Variants in TMEM39A observed in about 807,000 individuals in gnomAD.
TMEM39A encodes transmembrane protein 39A.
TMEM39A carries 19 observed loss-of-function variants against 51.9 expected under a neutral mutation model. The observed-to-expected ratio is 0.37, with a 90% CI of 0.26 to 0.54. The LOEUF is 0.54. TMEM39A is among the 20% of genes least tolerant of loss of function. TMEM39A has a pLI of 0.88. For missense variants in TMEM39A, 433 were observed against 590.5 expected (o/e 0.73, Z 2.76); for synonymous variants, 197 against 220.2 (o/e 0.89, Z 0.93).
chr3:119,434,986 C>T lies in TMEM39A; in HGVS notation c.1113-104G>A, dbSNP rs1663464764. The T allele has an allele frequency of 3.9e-5, 57 of 1,458,234 alleles. 1 individual carries two copies. The South Asian group carries it at 7.3e-4, about 19-fold the overall frequency. 90.3% of individuals were successfully genotyped at this position (1,458,234 alleles called of 1,614,324 possible). ...TATGGAAGGAATTAAATAATCAAGG[C>T]TTCATCTGCCTGAATTCTGAAAATA... On this transcript the variant is annotated intron_variant, in intron 7 of 8. Transcript: ENST00000319172.
chr3:119,445,053 C>T (rs1390681459), intron 5 of TMEM39A, among the ~76,000 whole-genome samples: 2 of 151,758 alleles, frequency 1.3e-5, no homozygotes, highest in Non-Finnish European at 2.9e-5. Flanking sequence ...GCACTCCCGC[C>T]TGGATGACAG....
rs573300268 is a variant in TMEM39A at position 119,457,347 on chromosome 3, C to T, written c.336+671G>A. Among the ~76,000 whole-genome samples, 7 of 152,274 alleles carry T rather than the reference C, an allele frequency of 4.6e-5. No individual in the cohort carries two copies. The East Asian group carries it at 5.8e-4, about 13-fold the overall frequency. On this transcript the variant is annotated intron_variant, in intron 3 of 8. Coordinates refer to ENST00000319172, the MANE Select transcript of TMEM39A (RefSeq NM_018266.3). ...TTTTTATGTACTTCAGCAAAGACAG[C>T]CAATTTCTCAATTTCACTTCCCAAT...
intron 5 of TMEM39A, among the ~76,000 whole-genome samples, chr3:119,445,872 G>A (rs2081117874): frequency 6.6e-6 from 1 of 152,176 alleles, no homozygotes; most frequent in Non-Finnish European, 1.5e-5. Flanking sequence ...GTAATAAAAT[G>A]TTAGTTACAA....
intron 8 of TMEM39A, 66 bp from the exon 9 acceptor site, chr3:119,432,280 A>C: frequency 8.6e-7 from 1 of 1,161,614 alleles, no homozygotes; most frequent in Non-Finnish European, 1.2e-6. Context: ...TTATTCTTGC[A>C]TTGATTTTTC....
intron 7 of TMEM39A, 52 bp downstream of exon 7, chr3:119,436,739 G>T: frequency 6.6e-7 from 1 of 1,524,494 alleles, no homozygotes. Context: ...AAATAAACAT[G>T]ATCAGCAGCA....
chr3:119,461,218 T>C (rs1396616592), intron 2 of TMEM39A, among the ~76,000 whole-genome samples: 2 of 152,162 alleles, frequency 1.3e-5, no homozygotes, highest in African/African-American at 4.8e-5. Flanking sequence ...AACTGGAATT[T>C]CAGGGAGAGC....
chr3:119,452,370 G>C (rs553642843), intron 4 of TMEM39A, 77 bp downstream of exon 4: 9 of 1,039,916 alleles, frequency 8.7e-6, no homozygotes, highest in Non-Finnish European at 1.3e-5. Context: ...ATGGGGACAC[G>C]TCACGTTTTT....
chr3:119,431,993 G>C lies in TMEM39A; in HGVS notation c.1455C>G (p.Leu485=), dbSNP rs767240993. The change falls in exon 9 of 9, where the codon CTC becomes CTG. Residue 485 remains leucine (L), a synonymous_variant. Transcript: ENST00000319172. ...AYSYPLNSYE[L]KAN ...GTTGAGAGGCAGCTTAGTTTGCCTT[G>C]AGTTCATAACTGTTGAGTGGGTAGG... The C allele has an allele frequency of 6.3e-7, 1 of 1,589,810 alleles. No homozygotes were observed. The highest frequency in any genetic ancestry group is 2.3e-5 in the East Asian group (1 of 44,184).
In TMEM39A at chr3:119,462,714, T is replaced by A. The variant is rs574727212; in HGVS notation, c.-74-566A>T. Reference sequence around the variant, plus strand: ...AGGAAGTGGAATGAAAGGGTACCAGTAGTTCTTTTAACAGTTTAAAAGTAA... The same window carrying A: ...AGGAAGTGGAATGAAAGGGTACCAGAAGTTCTTTTAACAGTTTAAAAGTAA... On this transcript the variant is annotated intron_variant, in intron 1 of 8. Transcript: ENST00000319172. Among the ~76,000 whole-genome samples the A allele has an allele frequency of 1.2e-4, 16 of 138,604 alleles. No individual in the cohort carries two copies. In the South Asian group the frequency reaches 3.5e-3, roughly 30 times the overall value. The allele number at this position is 138,604 out of a possible 152,430, so 90.9% of individuals were successfully genotyped here.
At chr3:119,451,754 C>T (rs1191507894) in intron 4 of TMEM39A, among the ~76,000 whole-genome samples, 2 of 137,262 alleles carry the variant, frequency 1.5e-5, no homozygotes, top group Non-Finnish European at 3.0e-5. Context: ...CGCTTGTACC[C>T]AGGAGACAGA....
intron 7 of TMEM39A, among the ~76,000 whole-genome samples, chr3:119,436,239 A>C (rs1467283219): frequency 6.6e-6 from 1 of 152,216 alleles, no homozygotes; most frequent in South Asian, 2.1e-4. Context: ...GAACTCAGTC[A>C]GGCACAGTTC....
chr3:119,450,945 CCA>C (rs1410573516), intron 4 of TMEM39A, among the ~76,000 whole-genome samples: 5 of 151,574 alleles, frequency 3.3e-5, no homozygotes, highest in African/African-American at 1.2e-4. Flanking sequence ...GGTAGAAATC[CCA>C]GTTTTGAAGG....
In TMEM39A at chr3:119,440,056, C is replaced by G. The variant is rs2081029906; in HGVS notation, c.576-1953G>C. Among the ~76,000 whole-genome samples the G allele has an allele frequency of 2.6e-5, 4 of 152,152 alleles. No individual in the cohort carries two copies. The South Asian group carries it at 8.3e-4, about 32-fold the overall frequency. On this transcript the variant is annotated intron_variant, in intron 5 of 8. Coordinates refer to ENST00000319172, the MANE Select transcript of TMEM39A (RefSeq NM_018266.3). ...GTGGTGGGATTACAGGTGTAAGCCA[C>G]CGCACCCAGACAGAGAAGAAGTATT...
chr3:119,433,854 G>A (rs2080931393), intron 8 of TMEM39A, among the ~76,000 whole-genome samples: 1 of 152,084 alleles, frequency 6.6e-6, no homozygotes, highest in South Asian at 2.1e-4. Flanking sequence ...CCCTACCATG[G>A]TATTTATAAG....
In TMEM39A at chr3:119,460,140, C is replaced by A. The variant is rs565725173; in HGVS notation, c.113+1822G>T. On this transcript the variant is annotated intron_variant, in intron 2 of 8. Transcript: ENST00000319172. ...CTTTTCAAACCATAAACAATTATTT[C>A]TTTCATTTTAAAATGTTGGAAAATA... Among the ~76,000 whole-genome samples, 3 of 152,138 alleles carry A rather than the reference C, an allele frequency of 2.0e-5. No homozygotes were observed. The East Asian group carries it at 5.8e-4, about 29-fold the overall frequency.
chr3:119,451,438 G>T, intron 4 of TMEM39A: 1 of 536,704 alleles, frequency 1.9e-6, no homozygotes, highest in Non-Finnish European at 3.1e-6. Context: ...AGCCACTTCA[G>T]CTAAATTAAC....
At chr3:119,446,583 T>G (rs2081128580) in intron 5 of TMEM39A, 1 of 153,822 alleles carries the variant, frequency 6.5e-6, no homozygotes, top group Non-Finnish European at 1.4e-5. Flanking sequence ...ACTTCAGAAA[T>G]CAAAACCATG....
chr3:119,430,166 C>T lies in TMEM39A; in HGVS notation c.*1815G>A, dbSNP rs1425058179. ...TAGGCTGAACTACTTTAAAAAGCAACTAACCTAATATATTTTCTTGCTATT... is the reference window on the plus strand; with the variant it reads ...TAGGCTGAACTACTTTAAAAAGCAATTAACCTAATATATTTTCTTGCTATT... On this transcript the variant is annotated 3_prime_UTR_variant, in exon 9 of 9. Coordinates refer to ENST00000319172, the MANE Select transcript of TMEM39A (RefSeq NM_018266.3). The T allele has an allele frequency of 6.6e-6, 1 of 152,124 alleles. No individual in the cohort carries two copies. The highest frequency in any genetic ancestry group is 1.5e-5 in the Non-Finnish European group (1 of 67,996). 9.4% of individuals were successfully genotyped at this position (152,124 alleles called of 1,614,324 possible).
chr3:119,432,009 A>G lies in TMEM39A; in HGVS notation c.1439T>C (p.Leu480Pro), dbSNP rs886400484. The G allele has an allele frequency of 1.9e-6, 3 of 1,608,930 alleles. No homozygotes were observed. The highest frequency in any genetic ancestry group is 1.7e-4 in the Middle Eastern group (1 of 6,048). ...GTTTGCCTTGAGTTCATAACTGTTG[A>G]GTGGGTAGGAGTATGCCCTGCCTAA... ...IVLGRAYSYP[L>P]NSYELKAN The change falls in exon 9 of 9, where the codon CTC becomes CCC. Residue 480 changes from leucine (L) to proline (P), a missense_variant. By Grantham distance (98) the Leu-to-Pro change is moderately conservative. Around this residue, in one of 3 missense-constraint regions of TMEM39A, gnomAD observed 223 missense variants for 328.1 expected, o/e 0.68. Coordinates refer to ENST00000319172, the MANE Select transcript of TMEM39A (RefSeq NM_018266.3).
Sources: gnomAD v4.1 joint callset for allele counts (sites outside exome capture counted in the v4.1 genomes callset) on GRCh38, gnomAD v4.1.1 for gene constraint, gnomAD v4.1.1 regional missense constraint, MANE v1.5 for transcripts, NCBI Gene and HGNC (gene_info 2026-07-23, HGNC 2026-07-21) for gene names.